KAZN: variants seen among roughly 807,000 people sequenced by gnomAD.
The protein encoded by KAZN is kazrin.
KAZN carries 40 observed loss-of-function variants against 87.4 expected under a neutral mutation model. The ratio of observed to expected loss-of-function variants is 0.46; its 90% CI spans 0.36 to 0.60. KAZN has a LOEUF of 0.60. KAZN is among the 20% of genes least tolerant of loss of function. KAZN has a pLI of 0.00. For synonymous variants in KAZN, 466 were observed against 458.3 expected (o/e 1.02, Z -0.22); for missense variants, 898 against 1,073.9 (o/e 0.84, Z 2.29).
intron 1 of KAZN, among the ~76,000 whole-genome samples, chr1:14,897,509 A>G (rs1029337162): frequency 6.6e-6 from 1 of 152,234 alleles, no homozygotes; most frequent in Non-Finnish European, 1.5e-5. Context: ...AACATTTTAG[A>G]AATTAAAATG....
intron 2 of KAZN, among the ~76,000 whole-genome samples, chr1:14,540,950 T>G (rs547191126): frequency 6.6e-6 from 1 of 152,162 alleles, no homozygotes; most frequent in Non-Finnish European, 1.5e-5. Context: ...TAAAGCTGCA[T>G]AAATAATTAG....
chr1:14,389,748 G>A (rs1025820724), intron 2 of KAZN, among the ~76,000 whole-genome samples: 7 of 152,302 alleles, frequency 4.6e-5, no homozygotes, highest in African/African-American at 1.7e-4. Context: ...AGTGGGGATG[G>A]ATAATGGGTA....
At chr1:14,748,655 G>T (rs1001326859) in intron 1 of KAZN, among the ~76,000 whole-genome samples, 1 of 152,194 alleles carries the variant, frequency 6.6e-6, no homozygotes, top group Non-Finnish European at 1.5e-5. Flanking sequence ...GTTGAGGTTG[G>T]TGTCTCTTGG....
At chr1:14,929,421 A>G (rs927590984) in intron 1 of KAZN, among the ~76,000 whole-genome samples, 1 of 152,106 alleles carries the variant, frequency 6.6e-6, no homozygotes, top group Admixed American at 6.5e-5. Context: ...GAACTGGACA[A>G]TTTGCCAGGA....
At chr1:14,063,707 T>C (rs765173443) in intron 1 of KAZN, among the ~76,000 whole-genome samples, 4 of 152,216 alleles carry the variant, frequency 2.6e-5, no homozygotes, top group Non-Finnish European at 4.4e-5. Flanking sequence ...CCTGGAATTA[T>C]AATAATCCCC....
In KAZN at chr1:14,803,096, C is replaced by T. The variant is rs1036449710; in HGVS notation, c.227-157588C>T. ...GAAGTGAGAGATACATGTTATTGTG[C>T]CTAATACTACATCATGGCTACCGTT... On this transcript the variant is annotated intron_variant, in intron 1 of 14. Coordinates refer to ENST00000376030, the MANE Select transcript of KAZN (RefSeq NM_201628.3). Among the ~76,000 whole-genome samples the T allele has an allele frequency of 7.9e-5, 12 of 152,270 alleles. No individual in the cohort carries two copies. In the East Asian group the frequency reaches 1.5e-3, roughly 20 times the overall value.
intron 1 of KAZN, among the ~76,000 whole-genome samples, chr1:14,801,675 GTTTTT>G (rs755981521): frequency 1.7e-4 from 25 of 146,694 alleles, no homozygotes; most frequent in Non-Finnish European, 3.3e-4. Flanking sequence ...AGTTTTTTTT[GTTTTT>G]TTTGTTTTTT....
intron 1 of KAZN, among the ~76,000 whole-genome samples, chr1:14,069,974 T>C (rs901761380): frequency 5.3e-5 from 8 of 151,742 alleles, no homozygotes; most frequent in Non-Finnish European, 7.4e-5. Context: ...ATTGAGACCA[T>C]CTTGACCAAC....
At chr1:14,151,152 A>G (rs1645465313) in intron 1 of KAZN, among the ~76,000 whole-genome samples, 1 of 152,174 alleles carries the variant, frequency 6.6e-6, no homozygotes, top group Non-Finnish European at 1.5e-5. Context: ...TTTATAAGGC[A>G]TCCTAGAGTT....
chr1:14,865,166 G>T, intron 1 of KAZN, among the ~76,000 whole-genome samples: 1 of 152,160 alleles, frequency 6.6e-6, no homozygotes, highest in East Asian at 1.9e-4. Context: ...TCTTGCCCAA[G>T]GTCAGGGACA....
intron 2 of KAZN, among the ~76,000 whole-genome samples, chr1:14,201,474 G>A (rs568815000): frequency 1.6e-4 from 25 of 152,154 alleles, no homozygotes; most frequent in Non-Finnish European, 3.4e-4. Context: ...GGAGCCTGGC[G>A]GCTGCTCCCC....
intron 1 of KAZN, among the ~76,000 whole-genome samples, chr1:14,092,754 TG>T (rs1027833864): frequency 1.3e-5 from 2 of 152,194 alleles, no homozygotes; most frequent in Non-Finnish European, 2.9e-5. Flanking sequence ...TCTCCCCTTT[TG>T]TTTTTATCTC....
chr1:14,646,544 G>T (rs1218416134), intron 1 of KAZN, among the ~76,000 whole-genome samples: 1 of 152,152 alleles, frequency 6.6e-6, no homozygotes, highest in Non-Finnish European at 1.5e-5. Flanking sequence ...CTATGGCAGG[G>T]TTTCTCAAAC....
chr1:14,395,965 G>A (rs887123696), intron 2 of KAZN, among the ~76,000 whole-genome samples: 5 of 151,824 alleles, frequency 3.3e-5, no homozygotes, highest in South Asian at 2.1e-4. Context: ...TCAGACGCTC[G>A]AGACCAGCCT....
intron 1 of KAZN, among the ~76,000 whole-genome samples, chr1:14,794,195 GAGGGCACTCATTTCATGGAA>G (rs527930149): frequency 6.6e-6 from 1 of 152,308 alleles, no homozygotes; most frequent in East Asian, 1.9e-4. Context: ...GGGTCAGCAA[GAGGGCACTCATTTCATGGAA>G]AGCGCAGTGG....
intron 1 of KAZN, among the ~76,000 whole-genome samples, chr1:14,739,864 G>A (rs1644033138): frequency 6.6e-6 from 1 of 152,086 alleles, no homozygotes; most frequent in African/African-American, 2.4e-5. Context: ...CTTCAGGAGG[G>A]TTTGTATCTG....
chr1:13,942,576 A>G (rs1458340900), intron 1 of KAZN, among the ~76,000 whole-genome samples: 3 of 112,592 alleles, frequency 2.7e-5, no homozygotes, highest in South Asian at 5.5e-4. Context: ...AAAAAAATGT[A>G]TATATATAAT....
chr1:15,101,677 G>A lies in KAZN; in HGVS notation c.1682G>A (p.Arg561Gln), dbSNP rs374363799. ...DGRMLNSLMK[R>Q]DLEKHLNVSK... ...CGGATGCTGAATTCCCTGATGAAGC[G>A]AGACCTGGAGAAGCACCTGAACGTG... The change falls in exon 11 of 15, where the codon CGA becomes CAA. Residue 561 changes from arginine (R) to glutamine (Q), a missense_variant. Transcript: ENST00000376030. 3.9e-5 allele frequency: 62 copies of A among 1,592,386 alleles called. No homozygotes were observed. The highest frequency in any genetic ancestry group is 5.0e-5 in the Non-Finnish European group (59 of 1,169,294).
At chr1:14,258,160 CTG>C (rs1650703286) in intron 2 of KAZN, among the ~76,000 whole-genome samples, 1 of 137,758 alleles carries the variant, frequency 7.3e-6, no homozygotes, top group Admixed American at 7.2e-5. Context: ...TGTCCCAAAA[CTG>C]TCCCAAAACT....
Sources: gnomAD v4.1 joint callset for allele counts (sites outside exome capture counted in the v4.1 genomes callset) on GRCh38, gnomAD v4.1.1 for gene constraint, MANE v1.5 for transcripts, NCBI Gene and HGNC (gene_info 2026-07-23, HGNC 2026-07-21) for gene names.